RARB: variants seen among roughly 807,000 people sequenced by gnomAD.
RARB encodes the protein retinoic acid receptor beta, also known as HBV-activated protein.
RARB carries 17 observed loss-of-function variants against 51.9 expected under a neutral mutation model. The observed-to-expected ratio is 0.33, with a 90% CI of 0.22 to 0.49. The LOEUF is 0.49. RARB is among the 20% of genes least tolerant of loss of function. RARB has a pLI of 0.99. For synonymous variants in RARB, 215 were observed against 195.4 expected (o/e 1.10, Z -0.84); for missense variants, 369 against 550.8 (o/e 0.67, Z 3.30).
At chr3:25,305,981 C>G (rs545141723) in intron 5 of RARB, among the ~76,000 whole-genome samples, 1 of 152,306 alleles carries the variant, frequency 6.6e-6, no homozygotes, top group Admixed American at 6.5e-5. Flanking sequence ...AAGACACCAT[C>G]TAATCTGCCA....
intron 2 of RARB, among the ~76,000 whole-genome samples, chr3:24,897,396 T>C (rs980159384): frequency 1.3e-5 from 2 of 152,180 alleles, no homozygotes; most frequent in African/African-American, 4.8e-5. Context: ...GAAGTTTCTT[T>C]TGTCTGAATT....
intron 2 of RARB, among the ~76,000 whole-genome samples, chr3:25,057,808 A>T (rs1255935743): frequency 2.6e-5 from 4 of 151,468 alleles, no homozygotes; most frequent in African/African-American, 9.7e-5. Context: ...AATAAATTGA[A>T]TTTTTTTTTA....
At chr3:24,862,445 A>C (rs1702769801) in intron 2 of RARB, among the ~76,000 whole-genome samples, 1 of 152,172 alleles carries the variant, frequency 6.6e-6, no homozygotes, top group South Asian at 2.1e-4. Context: ...GGTTACCCAT[A>C]GTTAACAGGT....
intron 5 of RARB, among the ~76,000 whole-genome samples, chr3:25,322,801 G>A (rs76081546): frequency 0.064 from 9,730 of 152,180 alleles, 363 homozygotes; most frequent in African/African-American, 0.092. Context: ...CATAAGCACA[G>A]ATACCCAAAA....
chr3:25,439,507 G>T (rs1208677137), intron 1 of RARB, among the ~76,000 whole-genome samples: 1 of 152,100 alleles, frequency 6.6e-6, no homozygotes, highest in African/African-American at 2.4e-5. Context: ...CTGGGCTGAA[G>T]CAATCCTCCC....
intron 2 of RARB, among the ~76,000 whole-genome samples, chr3:25,461,782 C>G (rs1176744883): frequency 6.6e-6 from 1 of 152,144 alleles, no homozygotes; most frequent in Admixed American, 6.5e-5. Context: ...CTAGTCCCAG[C>G]TACTCAGGAG....
rs1414494217 is a variant in RARB at position 25,428,323 on chromosome 3, G to T, written c.-409G>T. ...CAGGAGGGTCTATTCTTTGCCAAAG[G>T]GGGGACCAGAATTCCCCCATGCGAG... On this transcript the variant is annotated 5_prime_UTR_variant, in exon 1 of 8. Transcript: ENST00000330688. 13 of 1,245,804 alleles carry T rather than the reference G, an allele frequency of 1.0e-5. No individual in the cohort carries two copies. The highest frequency in any genetic ancestry group is 3.1e-5 in the African/African-American group (2 of 64,802). 77.2% of individuals were successfully genotyped at this position (1,245,804 alleles called of 1,614,324 possible).
chr3:25,117,616 T>C (rs1238313678), intron 3 of RARB, among the ~76,000 whole-genome samples: 1 of 152,066 alleles, frequency 6.6e-6, no homozygotes, highest in Non-Finnish European at 1.5e-5. Flanking sequence ...GTGAATTATT[T>C]TAGTGGCCAA....
Position 25,010,314 on chromosome 3 carries a change from G to A in RARB, c.-379-49811G>A, listed in dbSNP as rs538018222. 3.7e-3 allele frequency among the ~76,000 whole-genome samples: 568 copies of A among 152,024 alleles called. 4 individuals are homozygous for A. Among genetic ancestry groups the A allele is most frequent in the African/African-American group, 0.013 (538 of 41,498 alleles). ...ATGTTTAAACTAGTACAAATTATAA[G>A]AATTTTTAAATAAACTAAATCAGAA... On this transcript the variant is annotated intron_variant, in intron 2 of 11. Transcript: ENST00000383772.
rs552074390 is a variant in RARB at position 25,499,865 on chromosome 3, A to G, written c.307-1317A>G. ...TCATTTCCTACAGGGCAATAAAACA[A>G]TAATATTTGGGGTTATTGTTCATCT... On this transcript the variant is annotated intron_variant, in intron 2 of 7. Coordinates refer to ENST00000330688, the MANE Select transcript of RARB (RefSeq NM_000965.5). Among the ~76,000 whole-genome samples, 7 of 152,354 alleles carry G rather than the reference A, an allele frequency of 4.6e-5. No individual in the cohort carries two copies. In the East Asian group the frequency reaches 9.6e-4, roughly 21 times the overall value.
At chr3:25,595,644 G>A (rs1347325773) in intron 7 of RARB, among the ~76,000 whole-genome samples, 3 of 152,176 alleles carry the variant, frequency 2.0e-5, no homozygotes, top group Non-Finnish European at 2.9e-5. Context: ...AATCTGTACT[G>A]TCCAGTTCAG....
intron 3 of RARB, among the ~76,000 whole-genome samples, chr3:25,098,715 C>T (rs1559465615): frequency 6.6e-6 from 1 of 152,228 alleles, no homozygotes; most frequent in East Asian, 1.9e-4. Context: ...GATTGTCTGG[C>T]CCACACAGCC....
At chr3:25,041,702 G>A (rs1024723656) in intron 2 of RARB, among the ~76,000 whole-genome samples, 2 of 151,994 alleles carry the variant, frequency 1.3e-5, no homozygotes, top group Non-Finnish European at 2.9e-5. Context: ...CACAGATTGT[G>A]CCTTATACAT....
chr3:25,559,907 A>C (rs908066778), intron 3 of RARB, among the ~76,000 whole-genome samples: 2 of 152,226 alleles, frequency 1.3e-5, no homozygotes, highest in Admixed American at 1.3e-4. Flanking sequence ...AGACAGAAGG[A>C]CTGGATAAAC....
intron 2 of RARB, among the ~76,000 whole-genome samples, chr3:24,922,263 T>C (rs1011093499): frequency 1.2e-4 from 19 of 152,176 alleles, no homozygotes; most frequent in Non-Finnish European, 2.4e-4. Context: ...GTTTGTAAAA[T>C]GTGAAGCATA....
chr3:25,195,263 G>A lies in RARB; in HGVS notation c.178+20688G>A, dbSNP rs539875890. On this transcript the variant is annotated intron_variant, in intron 5 of 11. Transcript: ENST00000383772. ...GCCTACCAATTCCTCATCAACCCAGGCCTAGACTTAAAATTGTATCACTTA... is the reference window on the plus strand; with the variant it reads ...GCCTACCAATTCCTCATCAACCCAGACCTAGACTTAAAATTGTATCACTTA... Among the ~76,000 whole-genome samples, 4 of 151,914 alleles carry A rather than the reference G, an allele frequency of 2.6e-5. No individual in the cohort carries two copies. In the East Asian group the frequency reaches 7.8e-4, roughly 29 times the overall value.
chr3:25,397,326 G>A (rs1231067687), intron 5 of RARB, among the ~76,000 whole-genome samples: 1 of 129,018 alleles, frequency 7.8e-6, no homozygotes, highest in African/African-American at 2.9e-5. Context: ...GTTCCTCCGT[G>A]AGGATGTGTG....
chr3:24,869,081 A>G (rs1575044694), intron 2 of RARB, among the ~76,000 whole-genome samples: 1 of 152,202 alleles, frequency 6.6e-6, no homozygotes, highest in East Asian at 1.9e-4. Context: ...AACACCCTTC[A>G]TGTTATCTCT....
At chr3:24,894,718 CA>C (rs1703446033) in intron 2 of RARB, among the ~76,000 whole-genome samples, 2 of 152,116 alleles carry the variant, frequency 1.3e-5, no homozygotes, top group Non-Finnish European at 2.9e-5. Context: ...AAAACAATAC[CA>C]ATATAAATAA....
Sources: gnomAD v4.1 joint callset for allele counts (sites outside exome capture counted in the v4.1 genomes callset) on GRCh38, gnomAD v4.1.1 for gene constraint, MANE v1.5 for transcripts, NCBI Gene and HGNC (gene_info 2026-07-23, HGNC 2026-07-21) for gene names.